The following NEDD4 variants were observed in gnomAD, a reference collection of about 807,000 sequenced individuals.
NEDD4 encodes the protein E3 ubiquitin-protein ligase NEDD4.
Under a neutral mutation model 144.9 loss-of-function variants are expected in NEDD4, and 99 were observed. The observed-to-expected ratio is 0.68, with a 90% CI of 0.58 to 0.81. NEDD4 has a LOEUF of 0.81. Among genes scored for constraint, NEDD4 ranks in the 30% least tolerant of loss-of-function variants. NEDD4 has a pLI of 0.00. For missense variants in NEDD4, 985 were observed against 1,065.9 expected, an observed-to-expected ratio of 0.92 and a Z score of 1.06; for synonymous variants, 318 against 350.6, an observed-to-expected ratio of 0.91 and a Z score of 1.04.
chr15:55,885,416 G>A (rs2035350630), intron 5 of NEDD4, among the ~76,000 whole-genome samples: 1 of 152,116 alleles, frequency 6.6e-6, no homozygotes, highest in African/African-American at 2.4e-5. Flanking sequence ...TGATAATACT[G>A]TAATTGTGGT....
intron 4 of NEDD4, among the ~76,000 whole-genome samples, chr15:55,947,688 CA>C (rs1239009839): frequency 2.2e-4 from 33 of 152,138 alleles, no homozygotes; most frequent in African/African-American, 8.0e-4. Context: ...TAAACAGAAC[CA>C]AAGACAAAAA....
At chr15:55,940,993 A>G (rs913360414) in intron 4 of NEDD4, among the ~76,000 whole-genome samples, 9 of 152,182 alleles carry the variant, frequency 5.9e-5, no homozygotes, top group Non-Finnish European at 1.0e-4. Context: ...TTTGGCTTAT[A>G]AGAATTTATC....
At chr15:55,988,649 CTG>C (rs1464208348) in intron 1 of NEDD4, among the ~76,000 whole-genome samples, 6 of 152,058 alleles carry the variant, frequency 3.9e-5, no homozygotes, top group Non-Finnish European at 5.9e-5. Flanking sequence ...TGGATGGTAT[CTG>C]TGGATTGAAT....
At chr15:55,865,567 C>G (rs1394927575) in intron 8 of NEDD4, among the ~76,000 whole-genome samples, 1 of 150,984 alleles carries the variant, frequency 6.6e-6, no homozygotes, top group Non-Finnish European at 1.5e-5. Flanking sequence ...AAAAAAAGAC[C>G]AAATGACAAA....
intron 5 of NEDD4, among the ~76,000 whole-genome samples, chr15:55,921,131 G>A (rs1025860863): frequency 1.3e-5 from 2 of 152,094 alleles, no homozygotes; most frequent in Admixed American, 6.6e-5. Context: ...TATTTTCATC[G>A]TCATTGTCTC....
intron 4 of NEDD4, among the ~76,000 whole-genome samples, chr15:55,944,353 C>T (rs755547350): frequency 2.0e-5 from 3 of 152,198 alleles, no homozygotes; most frequent in African/African-American, 4.8e-5. Flanking sequence ...CCTGGATTGG[C>T]GGGTACCATG....
intron 9 of NEDD4, 123 bp from the exon 10 acceptor site, chr15:55,860,901 C>A: frequency 2.5e-6 from 2 of 795,480 alleles, no homozygotes; most frequent in Admixed American, 2.4e-5. Flanking sequence ...TTGTCTTTGA[C>A]CAAAGGCTAT....
chr15:55,979,395 G>A (rs7177504), intron 1 of NEDD4, among the ~76,000 whole-genome samples: 18,309 of 135,310 alleles, frequency 0.14, 1,347 homozygotes, highest in East Asian at 0.33. Context: ...CGCCCAGGCC[G>A]GACTGCGGAC....
At chr15:55,893,080 G>A (rs1421481124) in intron 5 of NEDD4, among the ~76,000 whole-genome samples, 2 of 152,128 alleles carry the variant, frequency 1.3e-5, no homozygotes, top group Non-Finnish European at 2.9e-5. Flanking sequence ...AGATCTTAGT[G>A]ATTAATTGGA....
chr15:55,916,737 T>A, intron 5 of NEDD4: 6 of 1,614,060 alleles, frequency 3.7e-6, no homozygotes, highest in Non-Finnish European at 5.1e-6. Flanking sequence ...GAAGCACATG[T>A]GAACATGGCT....
chr15:55,911,650 C>T (rs1338450257), intron 5 of NEDD4, among the ~76,000 whole-genome samples: 2 of 152,012 alleles, frequency 1.3e-5, no homozygotes, highest in African/African-American at 4.8e-5. Flanking sequence ...CTGCCTCAGC[C>T]TCCCGTGTAG....
intron 1 of NEDD4, among the ~76,000 whole-genome samples, chr15:55,984,023 G>C (rs779248914): frequency 3.3e-5 from 5 of 152,104 alleles, no homozygotes; most frequent in Non-Finnish European, 5.9e-5. Flanking sequence ...AATCGGTAAA[G>C]TATATTCTAT....
At chr15:55,967,949 G>A (rs1258370242) in intron 1 of NEDD4, among the ~76,000 whole-genome samples, 1 of 152,030 alleles carries the variant, frequency 6.6e-6, no homozygotes. Context: ...AGGTAACAGT[G>A]AGCTATGAAC....
intron 13 of NEDD4, among the ~76,000 whole-genome samples, chr15:55,851,440 A>G (rs1207333795): frequency 1.3e-5 from 2 of 152,008 alleles, no homozygotes; most frequent in African/African-American, 4.8e-5. Flanking sequence ...TTGCAAAATT[A>G]GAAACACAGG....
At chr15:55,867,025 T>C (rs1306723237) in intron 8 of NEDD4, among the ~76,000 whole-genome samples, 1 of 152,230 alleles carries the variant, frequency 6.6e-6, no homozygotes, top group African/African-American at 2.4e-5. Flanking sequence ...CAACATTTTA[T>C]GTTAATTTTG....
intron 2 of NEDD4, among the ~76,000 whole-genome samples, chr15:55,961,055 T>C (rs1407241155): frequency 6.6e-6 from 1 of 152,230 alleles, no homozygotes; most frequent in African/African-American, 2.4e-5. Flanking sequence ...AGGATTCTCC[T>C]AGAGAGTGGC....
intron 21 of NEDD4, 71 bp downstream of exon 21, chr15:55,840,376 C>T (rs2033447725): frequency 7.4e-7 from 1 of 1,360,112 alleles, no homozygotes; most frequent in Non-Finnish European, 1.0e-6. Flanking sequence ...TCATTAAAAG[C>T]AAATTCTTCA....
At chr15:55,860,347 A>C (rs995989729) in intron 11 of NEDD4, 60 bp downstream of exon 11, 11 of 1,505,764 alleles carry the variant, frequency 7.3e-6, no homozygotes, top group African/African-American at 1.4e-5. Flanking sequence ...TAGTTGTTGA[A>C]TAGTATAATA....
chr15:55,964,694 TGTG>T (rs2037483103), intron 2 of NEDD4, among the ~76,000 whole-genome samples: 1 of 6,390 alleles, frequency 1.6e-4, no homozygotes, highest in African/African-American at 7.7e-4. Context: ...TTGCTGCTGG[TGTG>T]TGTGTGTGTG....
Sources: allele counts gnomAD v4.1 joint callset (sites outside exome capture counted in the v4.1 genomes callset), GRCh38; gene constraint gnomAD v4.1.1; transcripts MANE v1.5; gene names NCBI Gene and HGNC (gene_info 2026-07-23, HGNC 2026-07-21).